The following LGR6 variants were observed in gnomAD, a reference collection of about 807,000 sequenced individuals.
LGR6 encodes the protein leucine-rich repeat-containing G protein-coupled receptor 6.
LGR6 carries 45 observed loss-of-function variants against 69.4 expected under a neutral mutation model. That is an observed-to-expected ratio of 0.65 (90% CI 0.51 to 0.83). LGR6 has a LOEUF of 0.83. Among genes scored for constraint, LGR6 ranks in the 40% least tolerant of loss-of-function variants. LGR6 has a pLI of 0.00. For synonymous variants in LGR6, 538 were observed against 555.0 expected (o/e 0.97, Z 0.43); for missense variants, 1,108 against 1,246.7 (o/e 0.89, Z 1.68).
In LGR6 at chr1:202,276,458, C is replaced by T. The variant is rs1457668577; in HGVS notation, c.581C>T (p.Ala194Val). 3 of 1,614,094 alleles carry T rather than the reference C, an allele frequency of 1.9e-6. No homozygotes were observed. Among genetic ancestry groups the T allele is most frequent in the East Asian group, 4.5e-5 (2 of 44,894 alleles). The change falls in exon 5 of 18, where the codon GCC (alanine) becomes GTC (valine). Residue 194 changes from alanine (A) to valine (V), a missense_variant. Ala to Val is a moderately conservative substitution (Grantham distance 64). Coordinates refer to ENST00000367278, the MANE Select transcript of LGR6 (RefSeq NM_001017403.2). ...CCTGCCCTGCAGGCCATGACCCTGG[C>T]CCTCAACCGCATCAGCCACATCCCC... The part of the protein sequence containing the change: ...NLPALQAMTL[A>V]LNRISHIPDY...
intron 4 of LGR6, among the ~76,000 whole-genome samples, chr1:202,274,587 G>A (rs1452371521): frequency 6.6e-6 from 1 of 152,176 alleles, no homozygotes; most frequent in Non-Finnish European, 1.5e-5. Context: ...ATGAATCAAT[G>A]AATCACCTGG....
chr1:202,310,855 G>A (rs944615247), intron 16 of LGR6, among the ~76,000 whole-genome samples: 2 of 152,064 alleles, frequency 1.3e-5, no homozygotes, highest in Admixed American at 1.3e-4. Context: ...TGCTGTCCAA[G>A]TCCATCCTGC....
At chr1:202,312,298 G>A (rs995138359) in intron 16 of LGR6, among the ~76,000 whole-genome samples, 30 of 152,234 alleles carry the variant, frequency 2.0e-4, no homozygotes, top group Non-Finnish European at 7.3e-5. Context: ...CAGAGTCCAC[G>A]GGTTTCACCC....
chr1:202,244,103 G>A (rs756728916), intron 4 of LGR6, among the ~76,000 whole-genome samples: 1 of 152,040 alleles, frequency 6.6e-6, no homozygotes, highest in Non-Finnish European at 1.5e-5. Context: ...GACTATAGGT[G>A]CGTTCCACCA....
chr1:202,235,968 T>G lies in LGR6; in HGVS notation c.403T>G (p.Trp135Gly), dbSNP rs1463095857. Reference protein sequence around the residue: ...QLGGIPAEALWELPSLQSLRL... With the variant: ...QLGGIPAEALGELPSLQSLRL... ...GGGAGGAATCCCCGCAGAGGCGCTG[T>G]GGGAGCTGCCGAGCCTGCAGTCGCT... The change falls in exon 4 of 18, where the codon TGG (tryptophan) becomes GGG (glycine). Residue 135 changes from tryptophan to glycine, a missense_variant. Trp to Gly is a radical substitution (Grantham distance 184). Coordinates refer to ENST00000367278, the MANE Select transcript of LGR6 (RefSeq NM_001017403.2). 1 of 1,613,920 alleles carries G rather than the reference T, an allele frequency of 6.2e-7. No individual in the cohort carries two copies. The highest frequency in any genetic ancestry group is 8.5e-7 in the Non-Finnish European group (1 of 1,179,986).
intron 4 of LGR6, among the ~76,000 whole-genome samples, chr1:202,273,281 G>A (rs757225614): frequency 1.3e-5 from 2 of 152,116 alleles, no homozygotes; most frequent in Non-Finnish European, 2.9e-5. Context: ...TCTCTGCCCT[G>A]AGCTTCAGAG....
intron 1 of LGR6, among the ~76,000 whole-genome samples, chr1:202,204,530 C>CAT (rs1658995320): frequency 6.8e-6 from 1 of 146,960 alleles, no homozygotes; most frequent in African/African-American, 2.5e-5. Context: ...TCCAAACACA[C>CAT]ACACCTCCTT....
chr1:202,307,358 A>C lies in LGR6; in HGVS notation c.1237A>C (p.Ile413Leu), dbSNP rs947322839. 1.2e-6 allele frequency: 2 copies of C among 1,613,986 alleles called. No homozygotes were observed. Among genetic ancestry groups the C allele is most frequent in the Admixed American group, 1.7e-5 (1 of 59,994 alleles). Reference sequence around the variant, plus strand: ...TCTTAGCTGGAACGCCATCCGGTCCATCCACCCCGAGGCCTTCTCCACCCT... The same window carrying C: ...TCTTAGCTGGAACGCCATCCGGTCCCTCCACCCCGAGGCCTTCTCCACCCT... The part of the protein sequence containing the change: ...LDLSWNAIRS[I>L]HPEAFSTLHS... Residue 413 changes from isoleucine (I) to leucine (L), a missense_variant, in exon 14 of 18, where the codon ATC becomes CTC. By Grantham distance (5) the Ile-to-Leu change is conservative (BLOSUM62 2). Coordinates refer to ENST00000367278, the MANE Select transcript of LGR6 (RefSeq NM_001017403.2).
rs991903161 is a variant in LGR6, at chr1:202,209,387, C to G, written c.212+15186C>G. Among the ~76,000 whole-genome samples the G allele has an allele frequency of 5.3e-5, 8 of 152,308 alleles. No individual in the cohort carries two copies. In the South Asian group the frequency reaches 1.2e-3, roughly 24 times the overall value. On this transcript the variant is annotated intron_variant, in intron 1 of 17. Transcript: ENST00000367278. ...CTCAGAAATCCACACATCCACTCAG[C>G]CTGCCCGCCCCACAGTGTTCTGGGC...
At chr1:202,204,975 TAACACACCTCCTTCAAACACAC>T (rs1659069145) in intron 1 of LGR6, among the ~76,000 whole-genome samples, 1 of 6,414 alleles carries the variant, frequency 1.6e-4, no homozygotes, top group Non-Finnish European at 2.8e-4. Flanking sequence ...CACACACACC[TAACACACCTCCTTCAAACACAC>T]ACACACCTCC....
intron 4 of LGR6, among the ~76,000 whole-genome samples, chr1:202,269,882 A>C (rs899482147): frequency 6.6e-6 from 1 of 152,224 alleles, no homozygotes; most frequent in African/African-American, 2.4e-5. Flanking sequence ...GTACTATGGC[A>C]AAGCCCTGAG....
rs1289443496 is a variant in LGR6 at position 202,304,642 on chromosome 1, C to G, written c.1070+12C>G. 6.2e-7 allele frequency: 1 copy of G among 1,603,510 alleles called. No homozygotes were observed. The highest frequency in any genetic ancestry group is 1.7e-5 in the Admixed American group (1 of 59,910). On this transcript the variant is annotated intron_variant, in intron 11 of 17. Coordinates refer to ENST00000367278, the MANE Select transcript of LGR6 (RefSeq NM_001017403.2). ...AGGCTCCGAGTCCTGTGAGTGCTCA[C>G]AAGAATTCTACAGTCTTGGCATTGT...
Position 202,318,956 on chromosome 1 carries a change from G to A in LGR6, c.2653G>A (p.Ala885Thr). Reference sequence around the variant, plus strand: ...GGATCTCATTCTGGAAGCTTCTGAAGCTGGGCGGCCCCCTGGGCTGGAGAC... The same window carrying A: ...GGATCTCATTCTGGAAGCTTCTGAAACTGGGCGGCCCCCTGGGCTGGAGAC... Reference protein sequence around the residue: ...DVDLILEASEAGRPPGLETYG... With the variant: ...DVDLILEASETGRPPGLETYG... Residue 885 changes from alanine to threonine, a missense_variant, in exon 18 of 18, where the codon GCT (alanine) becomes ACT (threonine). By Grantham distance (58) the Ala-to-Thr change is moderately conservative (BLOSUM62 0). Coordinates refer to ENST00000367278, the MANE Select transcript of LGR6 (RefSeq NM_001017403.2). 1 of 1,613,802 alleles carries A rather than the reference G, an allele frequency of 6.2e-7. No homozygotes were observed. Among genetic ancestry groups the A allele is most frequent in the Non-Finnish European group, 8.5e-7 (1 of 1,179,830 alleles).
chr1:202,207,849 T>C (rs999159365), intron 1 of LGR6, among the ~76,000 whole-genome samples: 3 of 152,258 alleles, frequency 2.0e-5, no homozygotes, highest in African/African-American at 7.2e-5. Context: ...TTATTTTTCA[T>C]TTATTCAACC....
rs1474112411 is a variant in LGR6 at position 202,193,972 on chromosome 1, A to G, written c.-18A>G. The G allele has an allele frequency of 2.2e-6, 3 of 1,345,712 alleles. No homozygotes were observed. Among genetic ancestry groups the G allele is most frequent in the East Asian group, 3.4e-5 (1 of 29,732 alleles). The allele number at this position is 1,345,712 out of a possible 1,614,324, so 83.4% of individuals were successfully genotyped here. ...TCCGCGCCCGGCCGCCAGGTGCCCC[A>G]GTAGCCCGACCGCCGAGATGCCCAG... On this transcript the variant is annotated 5_prime_UTR_variant, in exon 1 of 18. Transcript: ENST00000367278.
At chr1:202,263,097 C>T (rs1664367822) in intron 4 of LGR6, among the ~76,000 whole-genome samples, 1 of 151,952 alleles carries the variant, frequency 6.6e-6, no homozygotes, top group African/African-American at 2.4e-5. Flanking sequence ...ACTACACCCT[C>T]AATAAATTAT....
intron 4 of LGR6, among the ~76,000 whole-genome samples, chr1:202,239,344 G>GGTGTGTGTGT (rs36157781): frequency 1.9e-4 from 27 of 144,248 alleles, no homozygotes; most frequent in Non-Finnish European, 2.6e-4. Flanking sequence ...GTGTGTGTGT[G>GGTGTGTGTGT]GTGTGTGTGT....
intron 4 of LGR6, among the ~76,000 whole-genome samples, chr1:202,272,187 G>A (rs1316693267): frequency 6.6e-6 from 1 of 152,128 alleles, no homozygotes; most frequent in Non-Finnish European, 1.5e-5. Flanking sequence ...TATTACACAG[G>A]ACATATTTAT....
At position 202,310,250 on chromosome 1, in the gene LGR6, G is replaced by C; in HGVS notation, c.1460G>C (p.Ser487Thr). The change falls in exon 16 of 18, where the codon AGC (serine) becomes ACC (threonine). Residue 487 changes from serine (S) to threonine (T), a missense_variant. Coordinates refer to ENST00000367278, the MANE Select transcript of LGR6 (RefSeq NM_001017403.2). ...TGCTGTCCCTATGGGATGTGTGCCA[G>C]CTTCTTCAAGGCCTCTGGGCAGTGG... The part of the protein sequence containing the change: ...YQCCPYGMCA[S>T]FFKASGQWEA... 1 of 1,614,148 alleles carries C rather than the reference G, an allele frequency of 6.2e-7. No individual in the cohort carries two copies. Among genetic ancestry groups the C allele is most frequent in the Non-Finnish European group, 8.5e-7 (1 of 1,180,022 alleles).
Sources: allele counts gnomAD v4.1 joint callset (sites outside exome capture counted in the v4.1 genomes callset), GRCh38; gene constraint gnomAD v4.1.1; transcripts MANE v1.5; gene names NCBI Gene and HGNC (gene_info 2026-07-23, HGNC 2026-07-21).